The following ASTN2 variants were observed in gnomAD, a reference collection of about 807,000 sequenced individuals.
ASTN2 encodes the protein astrotactin-2.
In ASTN2, 54 loss-of-function variants were observed where a neutral mutation model predicts 139.8. The ratio of observed to expected loss-of-function variants is 0.39; its 90% CI spans 0.31 to 0.48. ASTN2 has a LOEUF of 0.48. Ranked by LOEUF, ASTN2 falls within the 20% of genes least tolerant of loss-of-function variation. ASTN2 has a pLI of 0.95. For missense variants in ASTN2, 1,565 were observed against 1,725.1 expected, an observed-to-expected ratio of 0.91 and a Z score of 1.64; for synonymous variants, 756 against 719.5, an observed-to-expected ratio of 1.05 and a Z score of -0.81.
intron 5 of ASTN2, among the ~76,000 whole-genome samples, chr9:117,087,451 C>CT (rs1828596660): frequency 6.6e-6 from 1 of 152,108 alleles, no homozygotes; most frequent in Non-Finnish European, 1.5e-5. Context: ...TGGTCCGGAA[C>CT]TCCCAGGCTT....
intron 19 of ASTN2, among the ~76,000 whole-genome samples, chr9:116,560,915 T>C (rs1852872941): frequency 6.6e-6 from 1 of 152,194 alleles, no homozygotes; most frequent in African/African-American, 2.4e-5. Context: ...TCAAAACTGG[T>C]ATTTGGCAAA....
chr9:117,178,654 T>C lies in ASTN2; in HGVS notation c.1015+35704A>G, dbSNP rs1830977711. Among the ~76,000 whole-genome samples the C allele has an allele frequency of 5.9e-5, 9 of 152,298 alleles. No homozygotes were observed. In the South Asian group the frequency reaches 1.9e-3, roughly 32 times the overall value. ...AGGATCTCTGCTGGCAGGAAAAGTG[T>C]GGAATTCTGGCCTGCCTATCCTGGC... On this transcript the variant is annotated intron_variant, in intron 3 of 22. Transcript: ENST00000313400.
At chr9:116,642,651 A>C (rs893823860) in intron 17 of ASTN2, among the ~76,000 whole-genome samples, 1 of 152,168 alleles carries the variant, frequency 6.6e-6, no homozygotes, top group Non-Finnish European at 1.5e-5. Context: ...ATAATTCTGC[A>C]AAAACTTTCT....
chr9:117,328,622 C>A (rs142563233), intron 1 of ASTN2, among the ~76,000 whole-genome samples: 13 of 152,238 alleles, frequency 8.5e-5, no homozygotes, highest in East Asian at 1.9e-4. Context: ...CACTCCTATG[C>A]CTGAGAGGGA....
intron 10 of ASTN2, among the ~76,000 whole-genome samples, chr9:116,895,346 T>G (rs1443022125): frequency 6.6e-6 from 1 of 152,174 alleles, no homozygotes; most frequent in Non-Finnish European, 1.5e-5. Context: ...TTCCAAAATC[T>G]GAAAAAGTCA....
chr9:116,508,251 C>A (rs1850197756), intron 19 of ASTN2, among the ~76,000 whole-genome samples: 1 of 152,206 alleles, frequency 6.6e-6, no homozygotes, highest in Non-Finnish European at 1.5e-5. Flanking sequence ...GTAACAGGGT[C>A]TTCAGAAAGC....
intron 20 of ASTN2, among the ~76,000 whole-genome samples, chr9:116,484,791 G>A (rs1447495099): frequency 6.6e-6 from 1 of 152,230 alleles, no homozygotes; most frequent in Non-Finnish European, 1.5e-5. Flanking sequence ...GAGGTGGAAA[G>A]GAGGGGTGGT....
chr9:116,559,508 T>G (rs1279933494), intron 19 of ASTN2, among the ~76,000 whole-genome samples: 1 of 152,222 alleles, frequency 6.6e-6, no homozygotes, highest in Non-Finnish European at 1.5e-5. Context: ...ACTTAGTGTG[T>G]TTGTGTATGT....
At chr9:116,619,688 AT>A (rs766517097) in intron 18 of ASTN2, among the ~76,000 whole-genome samples, 1,004 of 74,320 alleles carry the variant, frequency 0.014, 4 homozygotes, top group Non-Finnish European at 0.02. Context: ...CACACGGGCT[AT>A]TTTTTTTTTT....
At chr9:117,080,518 G>T (rs533583684) in intron 5 of ASTN2, among the ~76,000 whole-genome samples, 7 of 152,328 alleles carry the variant, frequency 4.6e-5, no homozygotes, top group African/African-American at 1.7e-4. Flanking sequence ...GCAAATGTGT[G>T]AAGATTATGG....
chr9:116,703,403 C>T (rs1369860911), intron 16 of ASTN2, among the ~76,000 whole-genome samples: 32 of 151,562 alleles, frequency 2.1e-4, no homozygotes, highest in East Asian at 1.9e-4. Flanking sequence ...GAGTAGGTTG[C>T]GAAAATTTTC....
chr9:116,923,613 C>A (rs1279204883), intron 10 of ASTN2, among the ~76,000 whole-genome samples: 9 of 152,202 alleles, frequency 5.9e-5, no homozygotes, highest in African/African-American at 1.7e-4. Context: ...CTTTCCTCAG[C>A]TTTTACCCCT....
In ASTN2 at chr9:116,563,510, G is replaced by A. The variant is rs547454057; in HGVS notation, c.3355+54814C>T. 1.1e-3 allele frequency among the ~76,000 whole-genome samples: 164 copies of A among 152,172 alleles called. 1 individual carries two copies. The highest frequency in any genetic ancestry group is 4.6e-3 in the South Asian group (22 of 4,816). ...TGTCATCCTCAAACACATCAGACGC[G>A]CTTCCATCTCAAGGTCTTGCACTTG... On this transcript the variant is annotated intron_variant, in intron 19 of 22. Transcript: ENST00000313400.
At chr9:117,041,173 T>C (rs978450256) in intron 5 of ASTN2, among the ~76,000 whole-genome samples, 7 of 152,172 alleles carry the variant, frequency 4.6e-5, no homozygotes, top group Admixed American at 4.6e-4. Flanking sequence ...GAGGCTGTCT[T>C]GAGTCCCCGT....
intron 17 of ASTN2, among the ~76,000 whole-genome samples, chr9:116,629,821 A>G (rs930880063): frequency 5.9e-5 from 9 of 152,104 alleles, no homozygotes; most frequent in African/African-American, 2.2e-4. Flanking sequence ...CTATTGCCAC[A>G]CTTACCTCTG....
chr9:116,513,792 C>T (rs1355715524), intron 19 of ASTN2, among the ~76,000 whole-genome samples: 1 of 152,080 alleles, frequency 6.6e-6, no homozygotes, highest in Non-Finnish European at 1.5e-5. Context: ...CTGATCAAAT[C>T]GGCTACTGAA....
intron 19 of ASTN2, among the ~76,000 whole-genome samples, chr9:116,600,730 C>A (rs982833637): frequency 6.6e-6 from 1 of 152,086 alleles, no homozygotes; most frequent in African/African-American, 2.4e-5. Flanking sequence ...ATAATTTCAT[C>A]CCTCCTATAG....
intron 3 of ASTN2, among the ~76,000 whole-genome samples, chr9:117,178,511 G>C (rs571909361): frequency 1.3e-5 from 2 of 152,214 alleles, no homozygotes; most frequent in Admixed American, 6.5e-5. Flanking sequence ...GGAGAGGCCA[G>C]CATAGACAAA....
intron 1 of ASTN2, among the ~76,000 whole-genome samples, chr9:117,409,921 G>A (rs904061503): frequency 3.3e-5 from 5 of 152,144 alleles, no homozygotes; most frequent in Middle Eastern, 3.2e-3. Flanking sequence ...ATTTCAAACC[G>A]TATCTTCCTC....
Sources: allele counts gnomAD v4.1 joint callset (sites outside exome capture counted in the v4.1 genomes callset), GRCh38; gene constraint gnomAD v4.1.1; transcripts MANE v1.5; gene names NCBI Gene and HGNC (gene_info 2026-07-23, HGNC 2026-07-21).